MGMT: variants seen among roughly 807,000 people sequenced by gnomAD.
MGMT encodes the protein O-6-methylguanine-DNA methyltransferase.
A neutral mutation model predicts 15.9 loss-of-function variants in MGMT; 14 were observed. That is an observed-to-expected ratio of 0.88 (90% confidence interval 0.58 to 1.37). The LOEUF (loss-of-function observed/expected upper bound fraction) is 1.37, where lower values mean the gene tolerates loss of function less well. Among genes scored for constraint, MGMT ranks in the 40% most tolerant of loss-of-function variants. The pLI, the probability that MGMT is intolerant of heterozygous loss-of-function variation, is 0.00. For missense variants in MGMT, 282 were observed against 268.1 expected (o/e 1.05, Z -0.36); for synonymous variants, 130 against 118.2 (o/e 1.10, Z -0.65).
In MGMT at chr10:129,761,914, T is replaced by C. The variant is rs530397743; in HGVS notation, c.414+2573T>C. Among the ~76,000 whole-genome samples the C allele has an allele frequency of 5.0e-3, 755 of 152,362 alleles. 4 individuals carry two copies. The highest frequency in any genetic ancestry group is 9.1e-3 in the Admixed American group (139 of 15,308). On this transcript the variant is annotated intron_variant, in intron 4 of 4. Coordinates refer to ENST00000651593, the MANE Select transcript of MGMT (RefSeq NM_002412.5). The stretch of plus-strand genomic sequence containing the variant: ...CGGTACCCACAGACGCCTCAAATTA[T>C]AGCACAGATATGCCAGAGATATTCC...
In MGMT at chr10:129,566,334, G is replaced by A. The variant is rs1046731965; in HGVS notation, c.125+29957G>A. ...TGTTTCATTCGACTACGTTGCCAAG[G>A]AGATGCTCGCTCGGAGTGGTTGCTC... On this transcript the variant is annotated intron_variant, in intron 2 of 4. Transcript: ENST00000651593. This position sits in a 1 kb window ranked among gnomAD's most constrained non-coding sequence, Gnocchi z 4.1. 3.3e-5 allele frequency among the ~76,000 whole-genome samples: 5 copies of A among 152,192 alleles called. No individual in the cohort carries two copies. The highest frequency in any genetic ancestry group is 7.3e-5 in the Non-Finnish European group (5 of 68,034).
intron 2 of MGMT, among the ~76,000 whole-genome samples, chr10:129,593,398 C>G (rs1043958946): frequency 5.9e-5 from 9 of 152,208 alleles, no homozygotes; most frequent in African/African-American, 2.2e-4. Context: ...CCTGCCTCCC[C>G]AGCTCTCTTG....
intron 2 of MGMT, among the ~76,000 whole-genome samples, chr10:129,550,137 T>C (rs1252961143): frequency 6.6e-6 from 1 of 152,248 alleles, no homozygotes; most frequent in Admixed American, 6.5e-5. Context: ...GCATCTGCCA[T>C]TTGTGAACGT....
At position 129,697,729 on chromosome 10, in the gene MGMT, G is replaced by A. The variant is rs958896701; in HGVS notation, c.126-10166G>A. Among the ~76,000 whole-genome samples the A allele has an allele frequency of 5.9e-5, 9 of 152,156 alleles. No individual in the cohort carries two copies. In the South Asian group the frequency reaches 1.0e-3, roughly 18 times the overall value. ...TGTAATGGAGATGTGACGTCGAGGCGCCATGTTGCCTGGAACTTCTGGAGT... is the reference window on the plus strand; with the variant it reads ...TGTAATGGAGATGTGACGTCGAGGCACCATGTTGCCTGGAACTTCTGGAGT... On this transcript the variant is annotated intron_variant, in intron 2 of 4. Coordinates refer to ENST00000651593, the MANE Select transcript of MGMT (RefSeq NM_002412.5).
At chr10:129,723,168 G>A (rs1848393162) in intron 3 of MGMT, among the ~76,000 whole-genome samples, 1 of 151,786 alleles carries the variant, frequency 6.6e-6, no homozygotes, top group South Asian at 2.1e-4. Context: ...ATGGTATTTG[G>A]TTACATGAGT....
At chr10:129,744,261 T>C (rs1174399191) in intron 3 of MGMT, among the ~76,000 whole-genome samples, 2 of 152,174 alleles carry the variant, frequency 1.3e-5, no homozygotes, top group African/African-American at 2.4e-5. Context: ...ACACAAGGCA[T>C]TGGACGGGGC....
chr10:129,511,396 C>T (rs61750901), intron 1 of MGMT, among the ~76,000 whole-genome samples: 22,966 of 150,880 alleles, frequency 0.15, 2,286 homozygotes, highest in African/African-American at 0.29. Flanking sequence ...CCAGATGCAG[C>T]CTGGTGCTTC....
At chr10:129,657,674 AACACACACAC>A (rs60284981) in intron 2 of MGMT, among the ~76,000 whole-genome samples, 16 of 93,458 alleles carry the variant, frequency 1.7e-4, no homozygotes, top group African/African-American at 5.0e-4. Flanking sequence ...CAGCTCCTCC[AACACACACAC>A]ACACACACAC....
intron 3 of MGMT, among the ~76,000 whole-genome samples, chr10:129,709,348 C>G (rs1032225626): frequency 2.9e-4 from 44 of 152,230 alleles, no homozygotes; most frequent in African/African-American, 1.0e-3. Flanking sequence ...TGTGGGGGAC[C>G]TTGCTCACTG....
At chr10:129,623,878 A>T (rs1257922848) in intron 2 of MGMT, among the ~76,000 whole-genome samples, 2 of 152,084 alleles carry the variant, frequency 1.3e-5, no homozygotes, top group African/African-American at 4.8e-5. Flanking sequence ...GAGAATGTAG[A>T]CCCCACACCC....
intron 3 of MGMT, among the ~76,000 whole-genome samples, chr10:129,718,332 C>T (rs112294305): frequency 1.2e-4 from 18 of 152,322 alleles, no homozygotes; most frequent in African/African-American, 4.3e-4. Flanking sequence ...CTGTGGAATC[C>T]AGCAGCTCCG....
intron 2 of MGMT, among the ~76,000 whole-genome samples, chr10:129,537,977 G>A (rs1051436165): frequency 2.0e-5 from 3 of 152,124 alleles, no homozygotes; most frequent in South Asian, 2.1e-4. Flanking sequence ...AAAGGAGGGC[G>A]TGTCATATAT....
chr10:129,534,818 G>A (rs1001696987), intron 1 of MGMT, among the ~76,000 whole-genome samples: 4 of 151,906 alleles, frequency 2.6e-5, no homozygotes, highest in African/African-American at 9.7e-5. Flanking sequence ...GTGCCAGTGA[G>A]CTGCCCTTCC....
Position 129,708,149 on chromosome 10 carries a change from C to T in MGMT, c.274+106C>T, listed in dbSNP as rs56213615. Reference sequence around the variant, plus strand: ...TGAGTATACCAACTTGGTATTTTTACATCAGCTAAACAGAGGCAGCGTTTG... The same window carrying T: ...TGAGTATACCAACTTGGTATTTTTATATCAGCTAAACAGAGGCAGCGTTTG... On this transcript the variant is annotated intron_variant, in intron 3 of 4. Coordinates refer to ENST00000651593, the MANE Select transcript of MGMT (RefSeq NM_002412.5). 1,922 of 1,436,740 alleles carry T rather than the reference C, an allele frequency of 1.3e-3. 23 individuals are homozygous for T. The African/African-American group carries it at 0.024, about 18-fold the overall frequency. 89.0% of individuals were successfully genotyped at this position (1,436,740 alleles called of 1,614,324 possible). A position where few individuals can be genotyped will look rare whatever the true frequency, so the allele number is the denominator to read the frequency against.
intron 2 of MGMT, among the ~76,000 whole-genome samples, chr10:129,696,625 G>A (rs1018990022): frequency 1.3e-5 from 2 of 152,244 alleles, no homozygotes; most frequent in African/African-American, 4.8e-5. Flanking sequence ...TATTTTCAGT[G>A]CACGTGCTCC....
chr10:129,592,553 A>G (rs1420497185), intron 2 of MGMT, among the ~76,000 whole-genome samples: 1 of 152,210 alleles, frequency 6.6e-6, no homozygotes, highest in Non-Finnish European at 1.5e-5. Flanking sequence ...CAGACAGTTG[A>G]TTCGGAAGGC....
chr10:129,765,070 T>A (rs971515799), intron 4 of MGMT, among the ~76,000 whole-genome samples: 1 of 152,058 alleles, frequency 6.6e-6, no homozygotes, highest in Non-Finnish European at 1.5e-5. Context: ...GTGGTCATGC[T>A]CATTGGCAGT....
rs974618581 is a variant in MGMT, at chr10:129,533,246, A to T, written c.-12-2995A>T. Among the ~76,000 whole-genome samples, 1 of 152,226 alleles carries T rather than the reference A, an allele frequency of 6.6e-6. No homozygotes were observed. The highest frequency in any genetic ancestry group is 1.9e-4 in the East Asian group (1 of 5,200). On this transcript the variant is annotated intron_variant, in intron 1 of 4. Transcript: ENST00000651593. This position sits in a 1 kb window ranked among gnomAD's most constrained non-coding sequence, Gnocchi z 4.5. Reference sequence around the variant, plus strand: ...CTGAGCCTGCTCCTCCAGCCTTCCCAGAAGTTCTTTGAGTTGTGGAGTAGC... The same window carrying T: ...CTGAGCCTGCTCCTCCAGCCTTCCCTGAAGTTCTTTGAGTTGTGGAGTAGC...
intron 1 of MGMT, among the ~76,000 whole-genome samples, chr10:129,505,009 C>T (rs894079775): frequency 6.6e-6 from 1 of 152,070 alleles, no homozygotes; most frequent in African/African-American, 2.4e-5. Flanking sequence ...GTTTTGGAAA[C>T]TAAGGCCAAC....
Sources: allele counts gnomAD v4.1 joint callset (sites outside exome capture counted in the v4.1 genomes callset), GRCh38; gene constraint gnomAD v4.1.1; non-coding constraint Gnocchi (gnomAD v3.1); transcripts MANE v1.5; gene names NCBI Gene and HGNC (gene_info 2026-07-23, HGNC 2026-07-21).